MAF: variants seen among roughly 807,000 people sequenced by gnomAD.
The protein encoded by MAF is transcription factor Maf.
Under a neutral mutation model 22.0 loss-of-function variants are expected in MAF, and 10 were observed. That is an observed-to-expected ratio of 0.45 (90% CI 0.28 to 0.77). The LOEUF is 0.77. Among genes scored for constraint, MAF ranks in the 30% least tolerant of loss-of-function variants. MAF has a pLI of 0.12. For synonymous variants in MAF, 337 were observed against 255.8 expected (o/e 1.32, Z -3.03); for missense variants, 544 against 548.4 (o/e 0.99, Z 0.08).
chr16:79,322,966 C>T, the MAF span, among the ~76,000 whole-genome samples: 5 of 151,170 alleles, frequency 3.3e-5, 1 homozygote, highest in South Asian at 6.3e-4. Flanking sequence ...CTGGTTAACA[C>T]GATGAAACCC....
chr16:79,513,381 G>A, the MAF span, among the ~76,000 whole-genome samples: 3 of 152,228 alleles, frequency 2.0e-5, no homozygotes, highest in Admixed American at 2.0e-4. Context: ...TGGAGCATGA[G>A]AACAATGAAA....
chr16:79,432,028 C>CTG, the MAF span, among the ~76,000 whole-genome samples: 7,524 of 152,234 alleles, frequency 0.049, 230 homozygotes, highest in East Asian at 0.1. Context: ...TGTGGTTTGA[C>CTG]TGTGTCCTCA....
At chr16:79,580,858 G>A (rs1275996936), downstream of MAF, among the ~76,000 whole-genome samples, 2 of 151,988 alleles carry the variant, frequency 1.3e-5, no homozygotes, top group Non-Finnish European at 2.9e-5. Flanking sequence ...AAGAAGTCTG[G>A]AGAAAACCAA....
chr16:79,243,074 C>T, the MAF span, among the ~76,000 whole-genome samples: 1 of 151,890 alleles, frequency 6.6e-6, no homozygotes, highest in African/African-American at 2.4e-5. Flanking sequence ...AATTTATAAC[C>T]AGCTAGTCCA....
the MAF span, among the ~76,000 whole-genome samples, chr16:79,219,774 G>A: frequency 1.3e-5 from 2 of 151,926 alleles, no homozygotes; most frequent in Admixed American, 1.3e-4. Context: ...CATTCCTACC[G>A]TGCTTTATTT....
At position 79,600,079 on chromosome 16, in the gene MAF, C is replaced by A; in HGVS notation, c.-177G>T. On this transcript the variant is annotated 5_prime_UTR_variant, in exon 1 of 2. Transcript: ENST00000326043. ...GAGCGCGCTCACACACACACCCCCC[C>A]GCCCTGCCCGCGCCCCCCGCGCCCG... 1.4e-6 allele frequency: 1 copy of A among 731,260 alleles called. No homozygotes were observed. The highest frequency in any genetic ancestry group is 2.0e-5 in the South Asian group (1 of 48,882). 45.3% of individuals were successfully genotyped at this position (731,260 alleles called of 1,614,324 possible). A position where few individuals can be genotyped will look rare whatever the true frequency, so the allele number is the denominator to read the frequency against.
chr16:79,508,527 C>T, the MAF span, among the ~76,000 whole-genome samples: 1 of 152,194 alleles, frequency 6.6e-6, no homozygotes, highest in South Asian at 2.1e-4. Flanking sequence ...CTGCTTCCCT[C>T]TCCAGTGCGT....
At chr16:79,410,690 AG>A in the MAF span, among the ~76,000 whole-genome samples, 2 of 152,236 alleles carry the variant, frequency 1.3e-5, no homozygotes, top group East Asian at 3.8e-4. Context: ...GAATGCAGGA[AG>A]GCTGCATGGA....
At chr16:79,446,766 G>A in the MAF span, among the ~76,000 whole-genome samples, 293 of 151,652 alleles carry the variant, frequency 1.9e-3, 1 homozygote, top group African/African-American at 6.5e-3. Context: ...AAAATTAGCC[G>A]AGCACAGTGG....
chr16:79,279,997 G>T, the MAF span, among the ~76,000 whole-genome samples: 194 of 152,316 alleles, frequency 1.3e-3, 4 homozygotes, highest in Middle Eastern at 6.8e-3. Context: ...GTGAAGCATG[G>T]TTTCTGCTGC....
At chr16:79,432,079 G>C in the MAF span, among the ~76,000 whole-genome samples, 904 of 152,274 alleles carry the variant, frequency 5.9e-3, 14 homozygotes, top group African/African-American at 0.021. Flanking sequence ...AAAATCCCTA[G>C]GTGTCAAGGG....
chr16:79,233,278 C>G, the MAF span, among the ~76,000 whole-genome samples: 1 of 152,024 alleles, frequency 6.6e-6, no homozygotes. Flanking sequence ...GACCCTAATA[C>G]AGGTTGTGTT....
At chr16:79,480,781 A>T in the MAF span, among the ~76,000 whole-genome samples, 31 of 152,322 alleles carry the variant, frequency 2.0e-4, no homozygotes, top group African/African-American at 7.2e-4. Context: ...AGTGTAGAAT[A>T]GATAATGATG....
the MAF span, among the ~76,000 whole-genome samples, chr16:79,334,667 G>A: frequency 2.9e-3 from 437 of 152,262 alleles, 3 homozygotes; most frequent in African/African-American, 9.8e-3. Flanking sequence ...CCTTCTAAGT[G>A]TGGGGCCCTG....
chr16:79,541,692 T>A, the MAF span, among the ~76,000 whole-genome samples: 1 of 148,010 alleles, frequency 6.8e-6, no homozygotes, highest in East Asian at 2.0e-4. Context: ...TGAGATGGTG[T>A]TCCAGTCTGC....
the MAF span, among the ~76,000 whole-genome samples, chr16:79,453,615 C>A: frequency 1.4e-3 from 212 of 152,260 alleles, 9 homozygotes; most frequent in South Asian, 0.043. Context: ...GACTGGGGGA[C>A]AGGAAAATAA....
chr16:79,208,371 G>T, the MAF span, among the ~76,000 whole-genome samples: 2 of 120,864 alleles, frequency 1.7e-5, no homozygotes, highest in South Asian at 5.1e-4. Flanking sequence ...TCTGATAAAT[G>T]ATTGATTCTC....
the MAF span, among the ~76,000 whole-genome samples, chr16:79,490,388 G>A: frequency 2.0e-5 from 3 of 152,312 alleles, no homozygotes; most frequent in South Asian, 2.1e-4. Context: ...TGGGCTGGGC[G>A]AGCAGCCTGT....
At chr16:79,307,516 C>G in the MAF span, among the ~76,000 whole-genome samples, 1 of 152,172 alleles carries the variant, frequency 6.6e-6, no homozygotes, top group Non-Finnish European at 1.5e-5. Flanking sequence ...GAGGAAATAC[C>G]CCACACACAT....
Sources: allele counts gnomAD v4.1 joint callset (sites outside exome capture counted in the v4.1 genomes callset), GRCh38; gene constraint gnomAD v4.1.1; transcripts MANE v1.5; gene names NCBI Gene and HGNC (gene_info 2026-07-23, HGNC 2026-07-21).